Variants in TMEM132B observed in about 807,000 individuals in gnomAD.
TMEM132B encodes transmembrane protein 132B.
Under a neutral mutation model 90.8 loss-of-function variants are expected in TMEM132B, and 18 were observed. The observed-to-expected ratio is 0.20, with a 90% CI of 0.14 to 0.29. The LOEUF (loss-of-function observed/expected upper bound fraction) is 0.29. Among genes scored for constraint, TMEM132B ranks in the 10% least tolerant of loss-of-function variants. TMEM132B has a pLI of 1.00. For synonymous variants in TMEM132B, 504 were observed against 523.3 expected (o/e 0.96, Z 0.50); for missense variants, 1,096 against 1,326.8 (o/e 0.83, Z 2.70).
intron 1 of TMEM132B, among the ~76,000 whole-genome samples, chr12:125,288,651 GT>G (rs903820625): frequency 6.6e-6 from 1 of 151,922 alleles, no homozygotes; most frequent in South Asian, 2.1e-4. Flanking sequence ...GTATTTTTAG[GT>G]TTTTTTCTTG....
At chr12:125,260,786 A>G (rs962577345) in intron 1 of TMEM132B, among the ~76,000 whole-genome samples, 6 of 152,042 alleles carry the variant, frequency 3.9e-5, no homozygotes, top group Non-Finnish European at 5.9e-5. Context: ...ATAGTGGCTC[A>G]CTCCTGTAAC....
chr12:125,284,783 T>C (rs1170874316), intron 1 of TMEM132B, among the ~76,000 whole-genome samples: 1 of 152,214 alleles, frequency 6.6e-6, no homozygotes, highest in Non-Finnish European at 1.5e-5. Flanking sequence ...AGCTAAAATA[T>C]CCAGAGAAGT....
chr12:125,372,050 T>A (rs1367520013), intron 2 of TMEM132B, among the ~76,000 whole-genome samples: 1 of 152,252 alleles, frequency 6.6e-6, no homozygotes, highest in Non-Finnish European at 1.5e-5. Context: ...TAAGGTTAGA[T>A]ATAATTTTTA....
chr12:125,399,852 AT>A (rs1479768888), intron 2 of TMEM132B, among the ~76,000 whole-genome samples: 1 of 152,172 alleles, frequency 6.6e-6, no homozygotes, highest in Non-Finnish European at 1.5e-5. Flanking sequence ...AGAAGCTATC[AT>A]TTGGTTGGGG....
intron 5 of TMEM132B, among the ~76,000 whole-genome samples, chr12:125,611,380 T>C (rs917146830): frequency 1.3e-5 from 2 of 151,340 alleles, no homozygotes; most frequent in Admixed American, 1.3e-4. Context: ...GATTTTTCTC[T>C]ATTTTTTTCT....
chr12:125,384,682 A>C (rs2136291358), intron 2 of TMEM132B, among the ~76,000 whole-genome samples: 1 of 152,132 alleles, frequency 6.6e-6, no homozygotes, highest in East Asian at 1.9e-4. Flanking sequence ...ATGGAGTCTT[A>C]CTCTGTCGCT....
At chr12:125,385,698 T>C (rs915479934) in intron 2 of TMEM132B, among the ~76,000 whole-genome samples, 1 of 152,248 alleles carries the variant, frequency 6.6e-6, no homozygotes, top group Non-Finnish European at 1.5e-5. Flanking sequence ...AATCAATTGA[T>C]CTAAACAACA....
intron 3 of TMEM132B, among the ~76,000 whole-genome samples, chr12:125,424,724 A>G (rs1880264817): frequency 6.6e-6 from 1 of 152,196 alleles, no homozygotes. Context: ...TAGTTAAAGC[A>G]GTAAAGGCAG....
At chr12:125,616,715 A>T (rs1202494226) in intron 5 of TMEM132B, among the ~76,000 whole-genome samples, 2 of 152,146 alleles carry the variant, frequency 1.3e-5, no homozygotes, top group Non-Finnish European at 2.9e-5. Context: ...TCTGTTATGA[A>T]CTTAATTTTG....
chr12:125,246,716 C>T lies in TMEM132B; in HGVS notation c.67+59850C>T, dbSNP rs1863944041. On this transcript the variant is annotated intron_variant, in intron 1 of 8. Coordinates refer to ENST00000682704, the MANE Select transcript of TMEM132B (RefSeq NM_001366854.1). This position sits in a 1 kb window ranked among gnomAD's most constrained non-coding sequence, Gnocchi z 4.2. ...GGCTCTTTTGTGAAGTGCTTTGATT[C>T]TTAAATCGGAGCCGGCTTTCAGGCA... Among the ~76,000 whole-genome samples the T allele has an allele frequency of 6.6e-6, 1 of 152,170 alleles. No individual in the cohort carries two copies. The highest frequency in any genetic ancestry group is 2.4e-5 in the African/African-American group (1 of 41,440).
At chr12:125,282,257 A>T (rs1875212717) in intron 1 of TMEM132B, among the ~76,000 whole-genome samples, 1 of 152,008 alleles carries the variant, frequency 6.6e-6, no homozygotes, top group African/African-American at 2.4e-5. Flanking sequence ...GCCCCCTGCG[A>T]TGCTGGATGC....
chr12:125,278,219 G>A (rs936009437), intron 1 of TMEM132B, among the ~76,000 whole-genome samples: 8 of 152,216 alleles, frequency 5.3e-5, no homozygotes, highest in East Asian at 3.9e-4. Flanking sequence ...TATTGTCTAC[G>A]GTTGCTTTCG....
At chr12:125,389,616 A>G (rs1878950777) in intron 2 of TMEM132B, among the ~76,000 whole-genome samples, 1 of 152,162 alleles carries the variant, frequency 6.6e-6, no homozygotes, top group Admixed American at 6.5e-5. Flanking sequence ...GAGATACTAT[A>G]GAGCCTAGAA....
intron 3 of TMEM132B, among the ~76,000 whole-genome samples, chr12:125,505,023 T>C (rs541167960): frequency 1.3e-5 from 2 of 151,930 alleles, no homozygotes; most frequent in South Asian, 4.2e-4. Context: ...CCCTATTTAA[T>C]AAAAAAGTAA....
At chr12:125,370,522 G>A (rs557853788) in intron 2 of TMEM132B, among the ~76,000 whole-genome samples, 1 of 152,284 alleles carries the variant, frequency 6.6e-6, no homozygotes, top group South Asian at 2.1e-4. Context: ...GGGAATTGTA[G>A]GTATTTAACT....
chr12:125,219,888 G>A (rs771289966), intron 1 of TMEM132B, among the ~76,000 whole-genome samples: 3 of 152,332 alleles, frequency 2.0e-5, no homozygotes, highest in Admixed American at 6.5e-5. Context: ...TTCCCCTGAC[G>A]GCCCCCTTTG....
At chr12:125,227,735 A>G (rs1873714790) in intron 1 of TMEM132B, among the ~76,000 whole-genome samples, 1 of 152,168 alleles carries the variant, frequency 6.6e-6, no homozygotes, top group Admixed American at 6.5e-5. Context: ...GTGCAGGTCC[A>G]GCATTCCACG....
At chr12:125,363,661 T>C (rs1878031824) in intron 2 of TMEM132B, among the ~76,000 whole-genome samples, 1 of 152,174 alleles carries the variant, frequency 6.6e-6, no homozygotes, top group South Asian at 2.1e-4. Context: ...ATCCGTCTTA[T>C]GTACTTCTTT....
chr12:125,553,139 G>T (rs951178514), intron 4 of TMEM132B, among the ~76,000 whole-genome samples: 1 of 152,214 alleles, frequency 6.6e-6, no homozygotes, highest in Admixed American at 6.5e-5. Flanking sequence ...TGTGAGGGAT[G>T]GAAGAGGGAC....
Sources: allele counts gnomAD v4.1 joint callset (sites outside exome capture counted in the v4.1 genomes callset), GRCh38; gene constraint gnomAD v4.1.1; non-coding constraint Gnocchi (gnomAD v3.1); transcripts MANE v1.5; gene names NCBI Gene and HGNC (gene_info 2026-07-23, HGNC 2026-07-21).